CEP120: variants seen among roughly 807,000 people sequenced by gnomAD.
CEP120 encodes the protein centrosomal protein 120.
In CEP120, 113 loss-of-function variants were observed where a neutral mutation model predicts 126.5. The ratio of observed to expected loss-of-function variants is 0.89; its 90% CI spans 0.77 to 1.04. The LOEUF is 1.04. Ranked by LOEUF, CEP120 falls within the 50% of genes least tolerant of loss-of-function variation. The pLI is 0.00. For synonymous variants in CEP120, 400 were observed against 394.3 expected (o/e 1.01, Z -0.17); for missense variants, 1,230 against 1,155.7 (o/e 1.06, Z -0.93).
chr5:123,374,030 A>G (rs1328495287), intron 16 of CEP120, among the ~76,000 whole-genome samples: 1 of 152,138 alleles, frequency 6.6e-6, no homozygotes, highest in Non-Finnish European at 1.5e-5. Context: ...CCCTGCCAAA[A>G]AAAGACTGAG....
At chr5:123,376,831 G>C (rs1187085719) in intron 16 of CEP120, among the ~76,000 whole-genome samples, 6 of 152,094 alleles carry the variant, frequency 3.9e-5, no homozygotes, top group Non-Finnish European at 4.4e-5. Flanking sequence ...GATTGTTTTT[G>C]CAGAAAGTAA....
intron 4 of CEP120, among the ~76,000 whole-genome samples, chr5:123,400,635 A>G (rs1224617321): frequency 6.7e-6 from 1 of 150,082 alleles, no homozygotes; most frequent in African/African-American, 2.5e-5. Context: ...ACACATAAAT[A>G]CATACATATA....
At position 123,388,459 on chromosome 5, in the gene CEP120, A is replaced by C; in HGVS notation, c.1403T>G (p.Ile468Ser). 1.9e-6 allele frequency: 3 copies of C among 1,560,600 alleles called. No individual in the cohort carries two copies. Among genetic ancestry groups the C allele is most frequent in the Non-Finnish European group, 2.6e-6 (3 of 1,157,222 alleles). Reference protein sequence around the residue: ...IDLRSIHALEIGFPINCILRY... With the variant: ...IDLRSIHALESGFPINCILRY... Reference sequence around the variant, plus strand: ...TAATATACAGTTGATTGGAAAACCAATCTCCAAGGCATGTATACTCCTTAA... The same window carrying C: ...TAATATACAGTTGATTGGAAAACCACTCTCCAAGGCATGTATACTCCTTAA... Residue 468 changes from isoleucine (I) to serine (S), a missense_variant, in exon 9 of 20, where the codon ATT becomes AGT. Physicochemically the swap from Ile to Ser is moderately radical, Grantham distance 142. Transcript: ENST00000306467.
intron 1 of CEP120, among the ~76,000 whole-genome samples, chr5:123,420,978 A>G (rs922590914): frequency 6.6e-6 from 1 of 152,212 alleles, no homozygotes; most frequent in Non-Finnish European, 1.5e-5. Context: ...ACAAGAGAGA[A>G]GAATAGTTTG....
intron 18 of CEP120, among the ~76,000 whole-genome samples, chr5:123,352,891 T>TTGATGCTACTG (rs1411671970): frequency 6.7e-5 from 3 of 44,660 alleles, no homozygotes; most frequent in South Asian, 1.2e-3. Context: ...TGATTATATT[T>TTGATGCTACTG]TAGATGGTAG....
At chr5:123,389,856 G>A in intron 8 of CEP120, 68 bp downstream of exon 8, 3 of 1,376,380 alleles carry the variant, frequency 2.2e-6, no homozygotes, top group South Asian at 1.2e-5. Flanking sequence ...AGTTCTCATA[G>A]TCATTTTTTA....
chr5:123,388,799 C>T (rs1772193242), intron 8 of CEP120, among the ~76,000 whole-genome samples, 193 bp from the exon 9 acceptor site: 1 of 152,092 alleles, frequency 6.6e-6, no homozygotes, highest in Admixed American at 6.5e-5. Flanking sequence ...TTTTAATTTC[C>T]ATTCTAGAAT....
At chr5:123,414,877 C>T (rs573264350) in intron 3 of CEP120, among the ~76,000 whole-genome samples, 108 of 140,780 alleles carry the variant, frequency 7.7e-4, no homozygotes, top group African/African-American at 2.6e-3. Context: ...GAGGCTGAGG[C>T]GGAAGAATGG....
rs375742492 is a variant in CEP120, at chr5:123,391,130, T to G, written c.1018A>C (p.Arg340=). ...CTTGCCTGGGAGTCTATGCCTTCTCTCTGCAGAGCCACAGACACTCCCACA... is the reference window on the plus strand; with the variant it reads ...CTTGCCTGGGAGTCTATGCCTTCTCGCTGCAGAGCCACAGACACTCCCACA... ...PTVGVSVALQ[R]EGIDSQSLIE... is the part of the protein sequence containing the mutation. The change falls in exon 7 of 20, where the codon AGA becomes CGA. Residue 340 remains arginine (R), a synonymous_variant. Transcript: ENST00000306467. 5.9e-5 allele frequency: 96 copies of G among 1,613,680 alleles called. No individual in the cohort carries two copies. Among genetic ancestry groups the G allele is most frequent in the Middle Eastern group, 1.6e-4 (1 of 6,072 alleles).
chr5:123,401,100 G>A, intron 4 of CEP120: 1 of 1,595,562 alleles, frequency 6.3e-7, no homozygotes, highest in Non-Finnish European at 8.6e-7. Context: ...GCCGCTGGTG[G>A]TCTTCGTATG....
chr5:123,358,730 G>T (rs997239093), intron 18 of CEP120, among the ~76,000 whole-genome samples: 2 of 151,908 alleles, frequency 1.3e-5, no homozygotes, highest in Non-Finnish European at 2.9e-5. Context: ...AGTGAAAGAA[G>T]TCCTCTCCAG....
chr5:123,401,111 A>G (rs1330129846), intron 4 of CEP120: 2 of 1,599,224 alleles, frequency 1.3e-6, no homozygotes, highest in Non-Finnish European at 1.7e-6. Context: ...TCTTCGTATG[A>G]ATACTCATGT....
intron 4 of CEP120, chr5:123,400,838 G>C: frequency 1.1e-6 from 1 of 905,892 alleles, no homozygotes; most frequent in Admixed American, 1.7e-5. Flanking sequence ...CCTGTTCCCA[G>C]TGCTACCCTG....
At chr5:123,402,187 C>A (rs1184273565) in intron 4 of CEP120, 7 of 1,571,520 alleles carry the variant, frequency 4.5e-6, no homozygotes, top group Non-Finnish European at 6.1e-6. Flanking sequence ...CCACCACAGC[C>A]GCCGCCCAGG....
At chr5:123,394,960 G>A (rs996076652) in intron 5 of CEP120, among the ~76,000 whole-genome samples, 2 of 152,178 alleles carry the variant, frequency 1.3e-5, no homozygotes, top group Admixed American at 6.5e-5. Context: ...ATACATAGTC[G>A]CTGCTACAAC....
intron 4 of CEP120, among the ~76,000 whole-genome samples, chr5:123,403,922 A>G (rs1270978051): frequency 6.6e-6 from 1 of 152,246 alleles, no homozygotes; most frequent in African/African-American, 2.4e-5. Context: ...TCCTTTTCCT[A>G]TAAAGGAAAT....
rs1385145285 is a variant in CEP120, at chr5:123,391,207, G to A, written c.941C>T (p.Pro314Leu). 6.2e-7 allele frequency: 1 copy of A among 1,614,036 alleles called. No homozygotes were observed. The highest frequency in any genetic ancestry group is 1.3e-5 in the African/African-American group (1 of 74,906). Reference protein sequence around the residue: ...TVEGAFTLDPPNRAKQKLAPI... With the variant: ...TVEGAFTLDPLNRAKQKLAPI... Reference sequence around the variant, plus strand: ...TGCAAGCTTCTGTTTGGCTCTGTTTGGAGGGTCAAGGGTAAAAGCACCTTC... The same window carrying A: ...TGCAAGCTTCTGTTTGGCTCTGTTTAGAGGGTCAAGGGTAAAAGCACCTTC... Residue 314 changes from proline (P) to leucine (L), a missense_variant, in exon 7 of 20, where the codon CCA (proline) becomes CTA (leucine). Coordinates refer to ENST00000306467, the MANE Select transcript of CEP120 (RefSeq NM_001375405.1).
intron 7 of CEP120, 30 bp from the exon 8 acceptor site, chr5:123,390,170 T>G: frequency 6.7e-7 from 1 of 1,483,916 alleles, no homozygotes. Context: ...AAAGTATAAT[T>G]TGCAAAGAAC....
intron 9 of CEP120, 62 bp downstream of exon 9, chr5:123,388,370 C>T: frequency 3.3e-6 from 4 of 1,199,544 alleles, no homozygotes; most frequent in Non-Finnish European, 4.5e-6. Context: ...CTGCAATTCC[C>T]CAAACACAGG....
Sources: gnomAD v4.1 joint callset for allele counts (sites outside exome capture counted in the v4.1 genomes callset) on GRCh38, gnomAD v4.1.1 for gene constraint, MANE v1.5 for transcripts, NCBI Gene and HGNC (gene_info 2026-07-23, HGNC 2026-07-21) for gene names.